The following PTK2B variants were observed in gnomAD, a reference collection of about 807,000 sequenced individuals.
PTK2B encodes protein-tyrosine kinase 2-beta.
A neutral mutation model predicts 142.9 loss-of-function variants in PTK2B; 71 were observed. The observed-to-expected ratio is 0.50, with a 90% CI of 0.41 to 0.61. PTK2B has a LOEUF of 0.61. PTK2B is among the 20% of genes least tolerant of loss of function. The pLI is 0.00. For missense variants in PTK2B, 1,105 were observed against 1,320.4 expected (o/e 0.84, Z 2.53); for synonymous variants, 519 against 503.4 (o/e 1.03, Z -0.42).
chr8:27,431,568 C>T (rs1268984066), intron 9 of PTK2B, 96 bp downstream of exon 9: 1 of 1,494,244 alleles, frequency 6.7e-7, no homozygotes, highest in South Asian at 1.2e-5. Flanking sequence ...GTTCTTCTTG[C>T]CCCTGTTGCT....
chr8:27,329,517 C>A (rs1803614223), intron 1 of PTK2B, among the ~76,000 whole-genome samples: 1 of 152,174 alleles, frequency 6.6e-6, no homozygotes, highest in Middle Eastern at 3.2e-3. Flanking sequence ...TTTCCCCTGC[C>A]TGGGACCCAT....
At chr8:27,372,411 G>A (rs1018815097) in intron 1 of PTK2B, among the ~76,000 whole-genome samples, 4 of 152,186 alleles carry the variant, frequency 2.6e-5, no homozygotes, top group Non-Finnish European at 5.9e-5. Context: ...GAAGAAGCTG[G>A]TGTCCCAGTT....
At chr8:27,380,437 C>T (rs1481687911) in intron 1 of PTK2B, among the ~76,000 whole-genome samples, 2 of 152,150 alleles carry the variant, frequency 1.3e-5, no homozygotes, top group African/African-American at 4.8e-5. Context: ...TTCTCGCTAC[C>T]ACATGCAGGG....
At chr8:27,440,093 T>C (rs1811062591) in intron 20 of PTK2B, 144 bp from the exon 21 acceptor site, 2 of 792,850 alleles carry the variant, frequency 2.5e-6, no homozygotes, top group African/African-American at 3.5e-5. Context: ...ACCACCATGG[T>C]AGGCAGGACC....
At chr8:27,425,677 G>C (rs1270471060) in intron 5 of PTK2B, among the ~76,000 whole-genome samples, 1 of 152,122 alleles carries the variant, frequency 6.6e-6, no homozygotes, top group Non-Finnish European at 1.5e-5. Context: ...GGTATTGTAT[G>C]TTCTATGGGT....
rs1812348331 is a variant in PTK2B, at chr8:27,459,286, C to G, written c.*777C>G. 1 of 233,612 alleles carries G rather than the reference C, an allele frequency of 4.3e-6. No homozygotes were observed. Among genetic ancestry groups the G allele is most frequent in the Non-Finnish European group, 8.4e-6 (1 of 118,392 alleles). The allele number at this position is 233,612 out of a possible 1,614,324, so 14.5% of individuals were successfully genotyped here. ...ACTCCTCCTCTTTCTCTCCCCAACC[C>G]CCATTCTCATCTGCACCCTTCTTTT... is the stretch of plus-strand genomic sequence containing the variant. On this transcript the variant is annotated 3_prime_UTR_variant, in exon 31 of 31. Transcript: ENST00000346049.
intron 1 of PTK2B, among the ~76,000 whole-genome samples, chr8:27,328,485 C>T (rs550066129): frequency 6.6e-5 from 10 of 152,282 alleles, no homozygotes; most frequent in African/African-American, 9.6e-5. Context: ...CTTGTGGGAA[C>T]GGCTAGGTTA....
At chr8:27,314,876 A>C (rs1422121959) in intron 3 of PTK2B, among the ~76,000 whole-genome samples, 1 of 152,214 alleles carries the variant, frequency 6.6e-6, no homozygotes, top group East Asian at 1.9e-4. Flanking sequence ...GGGAGGTGGC[A>C]GTGAGTCGAG....
In PTK2B at chr8:27,330,404, T is replaced by A. The variant is rs560610424; in HGVS notation, c.-38+4723T>A. ...TCACAAGCATACATCAGGTATTCAA[T>A]GATGTTTGTTTCTGCCTAATCCCAC... On this transcript the variant is annotated intron_variant, in intron 1 of 30. Coordinates refer to ENST00000346049, the MANE Select transcript of PTK2B (RefSeq NM_173176.3). Among the ~76,000 whole-genome samples the A allele has an allele frequency of 2.6e-5, 4 of 152,300 alleles. No homozygotes were observed. In the South Asian group the frequency reaches 8.3e-4, roughly 32 times the overall value.
At position 27,433,470 on chromosome 8, in the gene PTK2B, T is replaced by G; in HGVS notation, c.1023T>G (p.Ala341=). 1 of 1,614,212 alleles carries G rather than the reference T, an allele frequency of 6.2e-7. No individual in the cohort carries two copies. The highest frequency in any genetic ancestry group is 8.5e-7 in the Non-Finnish European group (1 of 1,180,008). The change falls in exon 11 of 31, where the codon GCT becomes GCG. Residue 341 remains alanine (A), a synonymous_variant. Coordinates refer to ENST00000346049, the MANE Select transcript of PTK2B (RefSeq NM_173176.3). ...LSIKTSSLAE[A]ENMADLIDGY... ...TCAAAACCTCATCCCTAGCAGAGGC[T>G]GAGAACATGGCTGACCTCATAGACG...
At position 27,417,596 on chromosome 8, in the gene PTK2B, AAAG is replaced by A. The variant is rs1317926708; in HGVS notation, c.205-2293_205-2291del. On this transcript the variant is annotated intron_variant, in intron 2 of 30. Transcript: ENST00000346049. ...TTTAATGTATAGAAATTTTACATTT[AAAG>A]AAGAACTGTAAAAAAATAATAGTTG... Among the ~76,000 whole-genome samples, 14 of 152,340 alleles carry A rather than the reference AAAG, an allele frequency of 9.2e-5. No individual in the cohort carries two copies. The South Asian group carries it at 1.9e-3, about 20-fold the overall frequency.
chr8:27,446,687 C>G (rs919792057), intron 24 of PTK2B, among the ~76,000 whole-genome samples: 2 of 152,182 alleles, frequency 1.3e-5, no homozygotes, highest in African/African-American at 4.8e-5. Context: ...TTAGCTCTAA[C>G]TCTGCATGCA....
At position 27,369,909 on chromosome 8, in the gene PTK2B, G is replaced by A. The variant is rs147288394; in HGVS notation, c.-37-27639G>A. 6.8e-3 allele frequency among the ~76,000 whole-genome samples: 1,032 copies of A among 150,800 alleles called. 9 individuals are homozygous for A. Among genetic ancestry groups the A allele is most frequent in the African/African-American group, 0.023 (939 of 40,940 alleles). ...GGAGAATAGCTTGAGCTCAGGAGGC[G>A]GAGGTTGCAGTGAGCTGAGATCACA... On this transcript the variant is annotated intron_variant, in intron 1 of 30. Coordinates refer to ENST00000346049, the MANE Select transcript of PTK2B (RefSeq NM_173176.3).
chr8:27,337,625 G>A (rs911065837), intron 1 of PTK2B, among the ~76,000 whole-genome samples: 3 of 152,154 alleles, frequency 2.0e-5, no homozygotes, highest in South Asian at 2.1e-4. Flanking sequence ...GGCCTTTCGC[G>A]ACGGCTGCTT....
chr8:27,341,306 A>G (rs754098745), intron 1 of PTK2B, among the ~76,000 whole-genome samples: 32 of 152,214 alleles, frequency 2.1e-4, no homozygotes, highest in Non-Finnish European at 3.7e-4. Flanking sequence ...TTGTCTCCCA[A>G]TCATAATCTA....
At chr8:27,327,879 C>T (rs570732163) in intron 1 of PTK2B, among the ~76,000 whole-genome samples, 13 of 152,260 alleles carry the variant, frequency 8.5e-5, no homozygotes, top group Middle Eastern at 6.8e-3. Flanking sequence ...ATGTAAATTG[C>T]CTAGTGAGTA....
chr8:27,374,564 G>A (rs530967551), intron 1 of PTK2B, among the ~76,000 whole-genome samples: 1 of 152,338 alleles, frequency 6.6e-6, no homozygotes, highest in South Asian at 2.1e-4. Flanking sequence ...AATTTCAGCA[G>A]GCTCTGGGCT....
intron 1 of PTK2B, among the ~76,000 whole-genome samples, chr8:27,357,548 C>G (rs1325750005): frequency 1.3e-5 from 2 of 152,216 alleles, no homozygotes; most frequent in Non-Finnish European, 2.9e-5. Context: ...GCATCATTTC[C>G]CAACCACCAG....
At chr8:27,435,650 C>A (rs960127013) in intron 13 of PTK2B, 93 bp from the exon 14 acceptor site, 11 of 1,478,266 alleles carry the variant, frequency 7.4e-6, no homozygotes, top group Middle Eastern at 1.9e-4. Flanking sequence ...CCTTGGGCTC[C>A]ACTGGCCTCC....
Sources: gnomAD v4.1 joint callset for allele counts (sites outside exome capture counted in the v4.1 genomes callset) on GRCh38, gnomAD v4.1.1 for gene constraint, MANE v1.5 for transcripts, NCBI Gene and HGNC (gene_info 2026-07-23, HGNC 2026-07-21) for gene names.